The following WWOX variants were observed in gnomAD, a reference collection of about 807,000 sequenced individuals.
WWOX encodes the protein WW domain-containing oxidoreductase.
WWOX carries 69 observed loss-of-function variants against 46.2 expected under a neutral mutation model. That is an observed-to-expected ratio of 1.49 (90% confidence interval 1.23 to 1.82). The LOEUF (loss-of-function observed/expected upper bound fraction) is 1.82. WWOX is among the 40% of genes most tolerant of loss of function. The probability of loss-of-function intolerance (pLI) is 0.00; values close to 1 mark genes in which losing one functional copy is unlikely to be tolerated. For missense variants in WWOX, 919 were observed against 542.6 expected (o/e 1.69, Z -6.89); for synonymous variants, 359 against 202.6 (o/e 1.77, Z -6.56).
At chr16:79,001,113 A>G (rs182290034) in intron 8 of WWOX, among the ~76,000 whole-genome samples, 2 of 152,312 alleles carry the variant, frequency 1.3e-5, no homozygotes, top group African/African-American at 4.8e-5. Context: ...CTTTAATTAA[A>G]CACATATCCC....
chr16:78,185,333 G>A (rs1004052989), intron 5 of WWOX, among the ~76,000 whole-genome samples: 5 of 152,124 alleles, frequency 3.3e-5, no homozygotes, highest in East Asian at 1.9e-4. Flanking sequence ...AGACCCTCCC[G>A]CCTCTGTAAC....
At chr16:78,188,060 A>G (rs933238646) in intron 5 of WWOX, among the ~76,000 whole-genome samples, 3 of 152,188 alleles carry the variant, frequency 2.0e-5, no homozygotes. Context: ...TTTCTTATTC[A>G]ATCGATTAAA....
At chr16:79,072,265 A>G (rs79625160) in intron 8 of WWOX, among the ~76,000 whole-genome samples, 215 of 152,282 alleles carry the variant, frequency 1.4e-3, no homozygotes, top group Non-Finnish European at 2.4e-3. Flanking sequence ...TAGCCTGAGT[A>G]ACAGAATGAG....
intron 6 of WWOX, among the ~76,000 whole-genome samples, chr16:78,398,430 G>A (rs2082337887): frequency 6.6e-6 from 1 of 152,192 alleles, no homozygotes; most frequent in African/African-American, 2.4e-5. Flanking sequence ...GACAATGAGG[G>A]TAGTTAGGAT....
intron 8 of WWOX, among the ~76,000 whole-genome samples, chr16:79,158,315 A>C (rs1052635801): frequency 6.6e-6 from 1 of 152,256 alleles, no homozygotes; most frequent in Non-Finnish European, 1.5e-5. Context: ...AAGACTAGCA[A>C]ATAGAGTTTT....
chr16:78,293,978 G>GAAAAAAAAA (rs35079271), intron 5 of WWOX, among the ~76,000 whole-genome samples: 1 of 30,324 alleles, frequency 3.3e-5, no homozygotes, highest in Non-Finnish European at 6.7e-5. Flanking sequence ...CTCTGTCTCA[G>GAAAAAAAAA]AAAAAAAAAA....
chr16:78,418,975 G>GA (rs1163597889), intron 6 of WWOX, among the ~76,000 whole-genome samples: 3 of 151,338 alleles, frequency 2.0e-5, no homozygotes, highest in Non-Finnish European at 4.4e-5. Context: ...CAAAAGAATG[G>GA]AAAAAAAAGA....
chr16:79,156,094 TCA>T (rs1264348530), intron 8 of WWOX, among the ~76,000 whole-genome samples: 2 of 152,174 alleles, frequency 1.3e-5, no homozygotes, highest in African/African-American at 4.8e-5. Flanking sequence ...TTGCACAGTC[TCA>T]CTACTCATAG....
intron 8 of WWOX, among the ~76,000 whole-genome samples, chr16:78,737,057 T>C (rs2049108854): frequency 6.6e-6 from 1 of 152,044 alleles, no homozygotes; most frequent in African/African-American, 2.4e-5. Flanking sequence ...ATATGTCTAT[T>C]TTTTTGGTCG....
chr16:78,565,123 C>T (rs748498428), intron 8 of WWOX, among the ~76,000 whole-genome samples: 1 of 152,216 alleles, frequency 6.6e-6, no homozygotes, highest in Non-Finnish European at 1.5e-5. Flanking sequence ...AGCAGCATAG[C>T]AGAGTAGAAG....
At chr16:78,450,837 A>G (rs1279177960) in intron 8 of WWOX, among the ~76,000 whole-genome samples, 1 of 152,220 alleles carries the variant, frequency 6.6e-6, no homozygotes, top group Non-Finnish European at 1.5e-5. Flanking sequence ...AGATCATAAG[A>G]AGATGCTTAA....
chr16:78,730,278 A>G (rs2048937789), intron 8 of WWOX, among the ~76,000 whole-genome samples: 2 of 151,960 alleles, frequency 1.3e-5, no homozygotes, highest in African/African-American at 4.8e-5. Flanking sequence ...TTACTGTCCC[A>G]TCCTTTTTTC....
chr16:78,503,766 G>C (rs145672081), intron 8 of WWOX: 1 of 152,312 alleles, frequency 6.6e-6, no homozygotes, highest in African/African-American at 2.4e-5. Context: ...AGGCCTGCGA[G>C]TATTTCTGAT....
At chr16:78,377,462 C>G (rs1468753088) in intron 5 of WWOX, among the ~76,000 whole-genome samples, 2 of 152,152 alleles carry the variant, frequency 1.3e-5, no homozygotes, top group Non-Finnish European at 2.9e-5. Flanking sequence ...TGCCTGCAAT[C>G]CTTCAGGAAA....
intron 8 of WWOX, among the ~76,000 whole-genome samples, chr16:78,471,586 C>T (rs1031373376): frequency 6.6e-6 from 1 of 152,182 alleles, no homozygotes; most frequent in Non-Finnish European, 1.5e-5. Context: ...AGTTGAATGT[C>T]TTGCCTTTTC....
At chr16:78,950,874 A>T (rs1022180317) in intron 8 of WWOX, among the ~76,000 whole-genome samples, 2 of 152,156 alleles carry the variant, frequency 1.3e-5, no homozygotes, top group Non-Finnish European at 2.9e-5. Context: ...TTATAGTGCA[A>T]GGTGTTTGGC....
chr16:79,086,818 G>T (rs961409212), intron 8 of WWOX, among the ~76,000 whole-genome samples: 2 of 152,214 alleles, frequency 1.3e-5, no homozygotes, highest in South Asian at 4.1e-4. Context: ...GGGAGGTGAA[G>T]GATGCAGTGA....
chr16:78,432,707 G>T lies in WWOX; in HGVS notation c.1011G>T (p.Val337=). 1.2e-6 allele frequency: 2 copies of T among 1,614,190 alleles called. No homozygotes were observed. The highest frequency in any genetic ancestry group is 1.7e-6 in the Non-Finnish European group (2 of 1,180,038). ...CCAACATTCATCGCAGCTGGTGGGT[G>T]TACACACTGCTGTTTACCTTGGCGA... ...MYSNIHRSWW[V]YTLLFTLARP... Residue 337 remains valine, a synonymous_variant, in exon 8 of 9, where the codon GTG becomes GTT. Transcript: ENST00000566780.
chr16:79,135,020 C>A (rs954856997), intron 8 of WWOX, among the ~76,000 whole-genome samples: 1 of 152,136 alleles, frequency 6.6e-6, no homozygotes, highest in Non-Finnish European at 1.5e-5. Flanking sequence ...TTATGCTGTT[C>A]ATTGGATTAA....
Sources: gnomAD v4.1 joint callset for allele counts (sites outside exome capture counted in the v4.1 genomes callset) on GRCh38, gnomAD v4.1.1 for gene constraint, MANE v1.5 for transcripts, NCBI Gene and HGNC (gene_info 2026-07-23, HGNC 2026-07-21) for gene names.